Variants in ADGRD1 observed in about 807,000 individuals in gnomAD.
ADGRD1 encodes adhesion G protein-coupled receptor D1, also known as G-protein coupled receptor 133.
ADGRD1 carries 77 observed loss-of-function variants against 113.4 expected under a neutral mutation model. That is an observed-to-expected ratio of 0.68 (90% CI 0.57 to 0.82). The LOEUF (loss-of-function observed/expected upper bound fraction) is 0.82, where lower values mean the gene tolerates loss of function less well. Ranked by LOEUF, ADGRD1 falls within the 40% of genes least tolerant of loss-of-function variation. ADGRD1 has a pLI of 0.00. For missense variants in ADGRD1, 1,036 were observed against 1,139.1 expected (o/e 0.91, Z 1.30); for synonymous variants, 474 against 475.0 (o/e 1.00, Z 0.03).
In ADGRD1 at chr12:131,136,974, G is replaced by A; in HGVS notation, c.2396G>A (p.Gly799Glu). 2 of 1,610,618 alleles carry A rather than the reference G, an allele frequency of 1.2e-6. No homozygotes were observed. The highest frequency in any genetic ancestry group is 2.2e-5 in the South Asian group (2 of 91,012). The change falls in exon 23 of 25, where the codon GGA becomes GAA. Residue 799 changes from glycine to glutamate, a missense_variant and splice_region_variant. Physicochemically the swap from Gly to Glu is moderately conservative, Grantham distance 98 (BLOSUM62 -2). Transcript: ENST00000261654. ...TGCGTTTCTTCCCTTTCTTCCCAGG[G>A]ACTGTTCATATTCCTCTTTCATTGT... is the stretch of plus-strand genomic sequence containing the variant. ...YMFATLNSLQGLFIFLFHCLL... is the reference protein window; with the variant it reads ...YMFATLNSLQELFIFLFHCLL...
chr12:131,139,180 CG>C lies in ADGRD1; in HGVS notation c.2544del (p.Pro849GlnfsTer89). On this transcript the variant is annotated frameshift_variant, in exon 25 of 25. Coordinates refer to ENST00000261654, the MANE Select transcript of ADGRD1 (RefSeq NM_198827.5). LOFTEE classifies it high-confidence loss of function. ...PFHSDLMNGT[R>X]PGMASTKLSP... ...TTATGCTTTGCAGATGAATGGGACC[CG>C]GCCAGGCATGGCCTCCACCAAGCTC... The C allele has an allele frequency of 1.9e-6, 3 of 1,612,928 alleles. No homozygotes were observed. The highest frequency in any genetic ancestry group is 1.3e-5 in the African/African-American group (1 of 75,036).
chr12:131,126,371 G>A (rs11614750), intron 20 of ADGRD1, among the ~76,000 whole-genome samples: 27,034 of 152,014 alleles, frequency 0.18, 2,638 homozygotes, highest in Middle Eastern at 0.24. Context: ...CCTCAACTTT[G>A]GATTTCCCAG....
intron 15 of ADGRD1, among the ~76,000 whole-genome samples, chr12:131,101,563 T>C (rs1002946769): frequency 1.1e-4 from 17 of 151,982 alleles, no homozygotes; most frequent in Admixed American, 2.0e-4. Context: ...AATTTTTGTA[T>C]TTTTAGGAGA....
At chr12:131,098,920 C>T (rs2137293109) in intron 15 of ADGRD1, among the ~76,000 whole-genome samples, 1 of 152,360 alleles carries the variant, frequency 6.6e-6, no homozygotes, top group East Asian at 1.9e-4. Context: ...TCGCCAGCTG[C>T]ATGGTGGTGG....
Position 131,141,209 on chromosome 12 carries a change from C to G in ADGRD1, c.*1946C>G, listed in dbSNP as rs1951237775. The G allele has an allele frequency of 6.6e-6, 1 of 152,192 alleles. No homozygotes were observed. The highest frequency in any genetic ancestry group is 1.5e-5 in the Non-Finnish European group (1 of 68,038). 9.4% of individuals were successfully genotyped at this position (152,192 alleles called of 1,614,324 possible). A position where few individuals can be genotyped will look rare whatever the true frequency, so the allele number is the denominator to read the frequency against. ...TGTTTTTAATTGTTGCCGTATTCAT[C>G]TATATAGCTAATATTTCAAGATAAG... On this transcript the variant is annotated 3_prime_UTR_variant, in exon 25 of 25. Coordinates refer to ENST00000261654, the MANE Select transcript of ADGRD1 (RefSeq NM_198827.5).
At chr12:131,088,765 A>C (rs4759541) in intron 15 of ADGRD1, among the ~76,000 whole-genome samples, 118,412 of 152,072 alleles carry the variant, frequency 0.78, 48,320 homozygotes, top group Non-Finnish European at 0.89. Context: ...CACGAGTCCC[A>C]CTGCAGATGA....
At chr12:130,963,964 G>C (rs1870716954) in intron 2 of ADGRD1, among the ~76,000 whole-genome samples, 1 of 152,204 alleles carries the variant, frequency 6.6e-6, no homozygotes, top group Admixed American at 6.5e-5. Flanking sequence ...TTGCCAGTCT[G>C]ATGGGTGAAC....
rs1173812962 is a variant in ADGRD1 at position 131,120,887 on chromosome 12, G to A, written c.2149G>A (p.Val717Ile). The change falls in exon 20 of 25, where the codon GTA becomes ATA. Residue 717 changes from valine to isoleucine, a missense_variant. Coordinates refer to ENST00000261654, the MANE Select transcript of ADGRD1 (RefSeq NM_198827.5). ...SLASGAIWAFVAPALFVIVVN... is the reference protein window; with the variant it reads ...SLASGAIWAFIAPALFVIVVN... ...GGCGAGTGGCGCCATCTGGGCCTTT[G>A]TAGCCCCTGCCCTGTTTGTCATCGT... 9 of 1,614,216 alleles carry A rather than the reference G, an allele frequency of 5.6e-6. No individual in the cohort carries two copies. The highest frequency in any genetic ancestry group is 1.7e-5 in the Admixed American group (1 of 60,032).
Position 130,987,104 on chromosome 12 carries a change from G to A in ADGRD1, c.500G>A (p.Trp167Ter). 1.2e-6 allele frequency: 2 copies of A among 1,613,688 alleles called. No homozygotes were observed. Among genetic ancestry groups the A allele is most frequent in the Non-Finnish European group, 1.7e-6 (2 of 1,179,658 alleles). ...EASFSPPGPY[W>*]THVLFTWKSK... ...CTTCACTCTTTTCCAGGCCCCTATT[G>A]GACTCATGTCCTATTTACATGGAAA... The change falls in exon 6 of 25, where the codon TGG (tryptophan) becomes TAG (stop). Residue 167 changes from tryptophan to a stop codon, truncating the protein, a stop_gained. Coordinates refer to ENST00000261654, the MANE Select transcript of ADGRD1 (RefSeq NM_198827.5). LOFTEE classifies it high-confidence loss of function.
intron 17 of ADGRD1, among the ~76,000 whole-genome samples, chr12:131,106,965 A>G (rs754233859): frequency 1.3e-5 from 2 of 152,170 alleles, no homozygotes; most frequent in African/African-American, 2.4e-5. Flanking sequence ...ATTTCTATCA[A>G]TCATTCAGGT....
At position 130,971,781 on chromosome 12, in the gene ADGRD1, A is replaced by C. The variant is rs1321333397; in HGVS notation, c.310+201A>C. On this transcript the variant is annotated intron_variant, in intron 4 of 24. Coordinates refer to ENST00000261654, the MANE Select transcript of ADGRD1 (RefSeq NM_198827.5). This position sits in a 1 kb window ranked among gnomAD's most constrained non-coding sequence, Gnocchi z 4.2. ...AGCAGAGACTTGTCCTGGTGGCTGG[A>C]AGTTATAACATCCTCTTACAGAGAT... Among the ~76,000 whole-genome samples, 2 of 152,154 alleles carry C rather than the reference A, an allele frequency of 1.3e-5. No individual in the cohort carries two copies. The highest frequency in any genetic ancestry group is 4.8e-5 in the African/African-American group (2 of 41,418).
At chr12:131,023,277 C>T (rs1879539509) in intron 13 of ADGRD1, 1 of 152,248 alleles carries the variant, frequency 6.6e-6, no homozygotes. Context: ...AGTTCATCTG[C>T]TGTCACTGGT....
chr12:130,990,749 T>C (rs1182012371), intron 6 of ADGRD1: 7 of 348,116 alleles, frequency 2.0e-5, no homozygotes, highest in Middle Eastern at 7.7e-4. Context: ...AAATCATCTT[T>C]TGATATGCTG....
At chr12:131,021,343 G>A (rs886453356) in intron 13 of ADGRD1, among the ~76,000 whole-genome samples, 15 of 152,100 alleles carry the variant, frequency 9.9e-5, no homozygotes, top group African/African-American at 3.1e-4. Flanking sequence ...CAGTCTGTAC[G>A]GGTTCTTAGC....
intron 20 of ADGRD1, among the ~76,000 whole-genome samples, chr12:131,125,092 A>G (rs1950710487): frequency 6.6e-6 from 1 of 152,176 alleles, no homozygotes; most frequent in Non-Finnish European, 1.5e-5. Flanking sequence ...TCCTCTTAAA[A>G]TAAGTGACTG....
chr12:131,018,878 T>C lies in ADGRD1; in HGVS notation c.1473+4538T>C, dbSNP rs937341478. Among the ~76,000 whole-genome samples the C allele has an allele frequency of 2.0e-5, 3 of 152,178 alleles. No homozygotes were observed. In the South Asian group the frequency reaches 6.2e-4, roughly 32 times the overall value. On this transcript the variant is annotated intron_variant, in intron 13 of 24. Coordinates refer to ENST00000261654, the MANE Select transcript of ADGRD1 (RefSeq NM_198827.5). ...CTGAGGTGTTTGAGAGGGACTTTGCTTTTGGCTCCCGGGTTGTTCTGGTTC... is the reference window on the plus strand; with the variant it reads ...CTGAGGTGTTTGAGAGGGACTTTGCCTTTGGCTCCCGGGTTGTTCTGGTTC...
At chr12:131,047,508 G>A (rs1377579402) in intron 13 of ADGRD1, among the ~76,000 whole-genome samples, 1 of 152,176 alleles carries the variant, frequency 6.6e-6, no homozygotes, top group Non-Finnish European at 1.5e-5. Flanking sequence ...ACAGAGTCAG[G>A]TCAGCAGCCT....
intron 15 of ADGRD1, among the ~76,000 whole-genome samples, chr12:131,095,132 C>T (rs1363774696): frequency 6.6e-6 from 1 of 152,234 alleles, no homozygotes. Flanking sequence ...CCCCGACTCT[C>T]AGGCTGCTGG....
intron 13 of ADGRD1, among the ~76,000 whole-genome samples, chr12:131,063,955 G>A (rs1183075244): frequency 1.3e-5 from 2 of 151,918 alleles, no homozygotes; most frequent in African/African-American, 2.4e-5. Flanking sequence ...ATCTTCTTTG[G>A]TTTTCTTCAT....
Sources: gnomAD v4.1 joint callset for allele counts (sites outside exome capture counted in the v4.1 genomes callset) on GRCh38, gnomAD v4.1.1 for gene constraint, Gnocchi (gnomAD v3.1) non-coding constraint, MANE v1.5 for transcripts, NCBI Gene and HGNC (gene_info 2026-07-23, HGNC 2026-07-21) for gene names.